ADGRD1: variants seen among roughly 807,000 people sequenced by gnomAD.
The protein encoded by ADGRD1 is adhesion G protein-coupled receptor D1.
A neutral mutation model predicts 113.4 loss-of-function variants in ADGRD1; 77 were observed. That is an observed-to-expected ratio of 0.68 (90% CI 0.57 to 0.82). ADGRD1 has a LOEUF of 0.82. ADGRD1 is among the 40% of genes least tolerant of loss of function. The pLI is 0.00. For synonymous variants in ADGRD1, 474 were observed against 475.0 expected (o/e 1.00, Z 0.03); for missense variants, 1,036 against 1,139.1 (o/e 0.91, Z 1.30).
chr12:131,038,192 C>T (rs1340613025), intron 13 of ADGRD1, among the ~76,000 whole-genome samples: 2 of 152,260 alleles, frequency 1.3e-5, no homozygotes, highest in Non-Finnish European at 2.9e-5. Context: ...TGGGGACCAT[C>T]ACCAGGCCCC....
chr12:131,124,727 C>T (rs1040009881), intron 20 of ADGRD1, among the ~76,000 whole-genome samples: 3 of 151,998 alleles, frequency 2.0e-5, no homozygotes, highest in Admixed American at 2.0e-4. Flanking sequence ...CGCCCCTTCT[C>T]GAATTGTTCT....
chr12:131,105,990 G>A, intron 17 of ADGRD1, 125 bp downstream of exon 17: 1 of 691,864 alleles, frequency 1.4e-6, no homozygotes, highest in Non-Finnish European at 2.5e-6. Context: ...GACAACCAGG[G>A]CTGTGGTTTT....
chr12:130,968,640 T>C, intron 3 of ADGRD1: 1 of 280,282 alleles, frequency 3.6e-6, no homozygotes, highest in Non-Finnish European at 6.7e-6. Context: ...TTGTTGAGCC[T>C]GTGTTATGAG....
rs1026762319 is a variant in ADGRD1 at position 131,141,263 on chromosome 12, GT to G, written c.*2003del. On this transcript the variant is annotated 3_prime_UTR_variant, in exon 25 of 25. Transcript: ENST00000261654. ...TGAACAAAACCTGTCTAAACCTTTT[GT>G]TTCCAATGAATGAAAGTCATGCACT... 3.3e-5 allele frequency: 5 copies of G among 152,278 alleles called. No individual in the cohort carries two copies. The highest frequency in any genetic ancestry group is 1.2e-4 in the African/African-American group (5 of 41,564). The allele number at this position is 152,278 out of a possible 1,614,324, so 9.4% of individuals were successfully genotyped here.
chr12:131,085,013 C>T (rs1007750043), intron 15 of ADGRD1, among the ~76,000 whole-genome samples: 2 of 152,202 alleles, frequency 1.3e-5, no homozygotes, highest in South Asian at 2.1e-4. Flanking sequence ...GGGAGCCGGG[C>T]GCTGGGGGCT....
At chr12:131,105,118 A>G (rs773793054) in intron 16 of ADGRD1, among the ~76,000 whole-genome samples, 184 bp downstream of exon 16, 14 of 152,168 alleles carry the variant, frequency 9.2e-5, no homozygotes, top group Non-Finnish European at 1.9e-4. Flanking sequence ...AGCCAGGCAA[A>G]AGGGGATGGC....
intron 13 of ADGRD1, among the ~76,000 whole-genome samples, chr12:131,017,814 C>T (rs973612704): frequency 6.0e-5 from 9 of 150,556 alleles, no homozygotes; most frequent in African/African-American, 2.2e-4. Context: ...ACCCAGTGTG[C>T]ACACACCCAG....
intron 13 of ADGRD1, among the ~76,000 whole-genome samples, chr12:131,046,112 C>G (rs1882693983): frequency 6.7e-6 from 1 of 148,686 alleles, no homozygotes; most frequent in Non-Finnish European, 1.5e-5. Context: ...CCTCCCAGGT[C>G]AGTGTCCTCC....
intron 21 of ADGRD1, among the ~76,000 whole-genome samples, chr12:131,135,311 A>G (rs888959259): frequency 5.9e-5 from 9 of 152,062 alleles, no homozygotes; most frequent in African/African-American, 1.9e-4. Context: ...TCAATATATA[A>G]CCTGCCTCTC....
At chr12:131,030,962 T>C (rs1880653619) in intron 13 of ADGRD1, among the ~76,000 whole-genome samples, 1 of 151,848 alleles carries the variant, frequency 6.6e-6, no homozygotes, top group South Asian at 2.1e-4. Flanking sequence ...TGTGTCGGAG[T>C]CTCCTTCCAG....
chr12:131,063,515 GA>G (rs35147621), intron 13 of ADGRD1, among the ~76,000 whole-genome samples: 114 of 152,140 alleles, frequency 7.5e-4, no homozygotes, highest in African/African-American at 2.4e-3. Flanking sequence ...TGTTGAGGGG[GA>G]AAAAAACTCT....
intron 15 of ADGRD1, among the ~76,000 whole-genome samples, chr12:131,098,127 TC>T (rs1226702639): frequency 6.6e-6 from 1 of 151,030 alleles, no homozygotes; most frequent in East Asian, 1.9e-4. Flanking sequence ...TCTCCCACTG[TC>T]CTCCCGCGGT....
At position 131,071,839 on chromosome 12, in the gene ADGRD1, A is replaced by G. The variant is rs1194689885; in HGVS notation, c.1474-4962A>G. On this transcript the variant is annotated intron_variant, in intron 13 of 24. Coordinates refer to ENST00000261654, the MANE Select transcript of ADGRD1 (RefSeq NM_198827.5). ...TCTGGTGGCTTCTGGTCCACGCTGT[A>G]CCCTCCTCTGTGGGCTCCGTCTCTG... 2.7e-5 allele frequency among the ~76,000 whole-genome samples: 4 copies of G among 150,184 alleles called. No homozygotes were observed. The East Asian group carries it at 7.8e-4, about 29-fold the overall frequency.
chr12:131,139,070 T>C lies in ADGRD1; in HGVS notation c.2530-98T>C, dbSNP rs1034178912. Reference sequence around the variant, plus strand: ...ACCTTTCCTCCCGCAGGGAGAATCCTCGGGCAGCTATGGGCCCAATGCTCC... The same window carrying C: ...ACCTTTCCTCCCGCAGGGAGAATCCCCGGGCAGCTATGGGCCCAATGCTCC... On this transcript the variant is annotated intron_variant, in intron 24 of 24. Transcript: ENST00000261654. 133 of 853,620 alleles carry C rather than the reference T, an allele frequency of 1.6e-4. 1 individual carries two copies. The highest frequency in any genetic ancestry group is 1.5e-4 in the Non-Finnish European group (80 of 533,136). The allele number at this position is 853,620 out of a possible 1,614,324, so 52.9% of individuals were successfully genotyped here.
At chr12:131,129,211 G>A (rs189309784) in intron 20 of ADGRD1, among the ~76,000 whole-genome samples, 2,238 of 113,612 alleles carry the variant, frequency 0.02, 62 homozygotes, top group Admixed American at 0.085. Flanking sequence ...TGACAGCCCC[G>A]CCCTGCTGTC....
chr12:130,993,770 G>A (rs536044739), intron 8 of ADGRD1: 1 of 152,526 alleles, frequency 6.6e-6, no homozygotes, highest in Admixed American at 6.5e-5. Flanking sequence ...CAGGCAACAA[G>A]AGGCCCAGAG....
At chr12:131,108,946 G>A in intron 18 of ADGRD1, 69 bp downstream of exon 18, 1 of 867,164 alleles carries the variant, frequency 1.2e-6, no homozygotes, top group Admixed American at 2.3e-5. Context: ...GGATGGGGCA[G>A]GTAGGACAGG....
chr12:131,104,006 C>T (rs147221789), intron 15 of ADGRD1, among the ~76,000 whole-genome samples: 2,114 of 152,304 alleles, frequency 0.014, 21 homozygotes, highest in Middle Eastern at 0.031. Flanking sequence ...GAGGGGGCGC[C>T]GTCTGGATTG....
chr12:130,992,429 C>T lies in ADGRD1; in HGVS notation c.966+37C>T, dbSNP rs373506440. ...TGATGTCTGTGTCTGGTGGACCGGG[C>T]GTGGCACCCTTACCGGGACCATAGA... On this transcript the variant is annotated intron_variant, in intron 8 of 24. Transcript: ENST00000261654. 156 of 1,570,780 alleles carry T rather than the reference C, an allele frequency of 9.9e-5. No individual in the cohort carries two copies. The African/African-American group carries it at 1.4e-3, about 14-fold the overall frequency.
Sources: allele counts gnomAD v4.1 joint callset (sites outside exome capture counted in the v4.1 genomes callset), GRCh38; gene constraint gnomAD v4.1.1; transcripts MANE v1.5; gene names NCBI Gene and HGNC (gene_info 2026-07-23, HGNC 2026-07-21).